Variants in SGCZ observed in about 807,000 individuals in gnomAD.
SGCZ encodes the protein zeta-sarcoglycan.
In SGCZ, 40 loss-of-function variants were observed where a neutral mutation model predicts 41.3. The ratio of observed to expected loss-of-function variants is 0.97; its 90% CI spans 0.75 to 1.26. The LOEUF is 1.26. Ranked by LOEUF, SGCZ falls within the 50% of genes most tolerant of loss-of-function variation. SGCZ has a pLI of 0.00. For missense variants in SGCZ, 552 were observed against 369.8 expected, an observed-to-expected ratio of 1.49 and a Z score of -4.04; for synonymous variants, 206 against 137.5, an observed-to-expected ratio of 1.50 and a Z score of -3.49.
chr8:15,205,829 A>G (rs1476721011), intron 1 of SGCZ, among the ~76,000 whole-genome samples: 1 of 152,224 alleles, frequency 6.6e-6, no homozygotes, highest in Admixed American at 6.5e-5. Context: ...TCATTTCAGC[A>G]TTATTCACAA....
At chr8:15,235,783 G>C (rs917557387) in intron 1 of SGCZ, among the ~76,000 whole-genome samples, 1 of 152,108 alleles carries the variant, frequency 6.6e-6, no homozygotes, top group Non-Finnish European at 1.5e-5. Context: ...TTAACAGAAC[G>C]CTCTCTTCTG....
At chr8:14,272,234 C>G (rs992090721) in intron 3 of SGCZ, among the ~76,000 whole-genome samples, 53 of 152,184 alleles carry the variant, frequency 3.5e-4, no homozygotes, top group African/African-American at 1.0e-3. Flanking sequence ...TAACTCCTGA[C>G]CCCAAGGAAT....
chr8:14,840,566 AG>A (rs570774810), intron 1 of SGCZ, among the ~76,000 whole-genome samples: 1 of 152,188 alleles, frequency 6.6e-6, no homozygotes, highest in East Asian at 1.9e-4. Context: ...GGACTAATGG[AG>A]GGGGAAATCA....
chr8:15,177,481 T>C (rs879663146), intron 1 of SGCZ, among the ~76,000 whole-genome samples: 1 of 152,216 alleles, frequency 6.6e-6, no homozygotes, highest in Non-Finnish European at 1.5e-5. Flanking sequence ...ATCAACTATT[T>C]GATTTTAAAG....
chr8:15,206,224 T>G (rs560249436), intron 1 of SGCZ, among the ~76,000 whole-genome samples: 104 of 152,218 alleles, frequency 6.8e-4, no homozygotes, highest in African/African-American at 2.4e-3. Flanking sequence ...AAACAAAAAC[T>G]ACTTAGGGCC....
intron 4 of SGCZ, among the ~76,000 whole-genome samples, chr8:14,176,542 G>C (rs1804547206): frequency 6.6e-6 from 1 of 152,146 alleles, no homozygotes; most frequent in Non-Finnish European, 1.5e-5. Flanking sequence ...TGTATTAGAA[G>C]TCTTAATATT....
At chr8:14,751,845 G>A (rs558714854) in intron 1 of SGCZ, among the ~76,000 whole-genome samples, 4 of 151,690 alleles carry the variant, frequency 2.6e-5, no homozygotes, top group African/African-American at 4.8e-5. Flanking sequence ...CACTGCACCC[G>A]GCCATGAACC....
At chr8:14,363,656 T>C (rs1484743619) in intron 2 of SGCZ, among the ~76,000 whole-genome samples, 2 of 152,144 alleles carry the variant, frequency 1.3e-5, no homozygotes, top group African/African-American at 4.8e-5. Flanking sequence ...CATTCAATCC[T>C]TTATTCAGTT....
At chr8:14,152,402 A>G (rs1381225051) in intron 5 of SGCZ, among the ~76,000 whole-genome samples, 1 of 152,214 alleles carries the variant, frequency 6.6e-6, no homozygotes, top group Non-Finnish European at 1.5e-5. Flanking sequence ...GGTGACAAAT[A>G]CTTGTGGTCC....
At chr8:14,916,167 T>C (rs1437605645) in intron 1 of SGCZ, among the ~76,000 whole-genome samples, 1 of 152,196 alleles carries the variant, frequency 6.6e-6, no homozygotes, top group Non-Finnish European at 1.5e-5. Context: ...AAATGCATTC[T>C]AGGAGACATA....
intron 1 of SGCZ, among the ~76,000 whole-genome samples, chr8:14,809,725 C>T (rs920647297): frequency 6.6e-6 from 1 of 152,072 alleles, no homozygotes; most frequent in Non-Finnish European, 1.5e-5. Flanking sequence ...AAAGAAGTGA[C>T]CGCAGTACCC....
intron 2 of SGCZ, among the ~76,000 whole-genome samples, chr8:14,441,816 T>C (rs866432055): frequency 2.6e-5 from 4 of 152,194 alleles, no homozygotes; most frequent in African/African-American, 7.2e-5. Flanking sequence ...TCAGTTTCTA[T>C]AGCTTTTTTT....
At chr8:14,479,731 C>CTTTTCTTTT (rs1801472383) in intron 2 of SGCZ, among the ~76,000 whole-genome samples, 2 of 52,976 alleles carry the variant, frequency 3.8e-5, no homozygotes, top group African/African-American at 1.0e-4. Context: ...AATTCTACTT[C>CTTTTCTTTT]TTTTTTTTTT....
At chr8:14,949,163 T>C (rs1435123266) in intron 1 of SGCZ, among the ~76,000 whole-genome samples, 1 of 152,154 alleles carries the variant, frequency 6.6e-6, no homozygotes, top group African/African-American at 2.4e-5. Context: ...GCAGTATATA[T>C]ACTAAGTGTT....
At chr8:14,336,014 C>G (rs1159394648) in intron 2 of SGCZ, among the ~76,000 whole-genome samples, 1 of 152,040 alleles carries the variant, frequency 6.6e-6, no homozygotes, top group Non-Finnish European at 1.5e-5. Flanking sequence ...ATCTCCTCAA[C>G]AGGACTAATC....
chr8:15,232,759 A>ATGTGTGTATATATATACATATG (rs1563198337), intron 1 of SGCZ, among the ~76,000 whole-genome samples: 176 of 141,618 alleles, frequency 1.2e-3, no homozygotes, highest in African/African-American at 4.4e-3. Context: ...ATATACATAT[A>ATGTGTGTATATATATACATATG]TATGTGTGTA....
intron 1 of SGCZ, among the ~76,000 whole-genome samples, chr8:15,137,856 G>C (rs1808172016): frequency 6.6e-6 from 1 of 152,200 alleles, no homozygotes; most frequent in Non-Finnish European, 1.5e-5. Context: ...CCCCCACACA[G>C]AGTCCCCACT....
intron 5 of SGCZ, among the ~76,000 whole-genome samples, chr8:14,132,433 A>G (rs1366367645): frequency 3.9e-5 from 6 of 152,326 alleles, no homozygotes; most frequent in Middle Eastern, 3.4e-3. Flanking sequence ...TCTTCCAGCT[A>G]TCCAAAGTCC....
intron 1 of SGCZ, among the ~76,000 whole-genome samples, chr8:14,744,459 T>C (rs1041466384): frequency 6.6e-6 from 1 of 152,100 alleles, no homozygotes; most frequent in South Asian, 2.1e-4. Flanking sequence ...TTTGGAGAAA[T>C]GCATCCATAT....
Sources: gnomAD v4.1 joint callset for allele counts (sites outside exome capture counted in the v4.1 genomes callset) on GRCh38, gnomAD v4.1.1 for gene constraint, MANE v1.5 for transcripts, NCBI Gene and HGNC (gene_info 2026-07-23, HGNC 2026-07-21) for gene names.